The following ABCA4 variants were observed in gnomAD, a reference collection of about 807,000 sequenced individuals.
The protein encoded by ABCA4 is retinal-specific phospholipid-transporting ATPase ABCA4.
In ABCA4, 196 loss-of-function variants were observed where a neutral mutation model predicts 263.7. That is an observed-to-expected ratio of 0.74 (90% CI 0.66 to 0.84). ABCA4 has a LOEUF of 0.84. Ranked by LOEUF, ABCA4 falls within the 40% of genes least tolerant of loss-of-function variation. ABCA4 has a pLI of 0.00. For synonymous variants in ABCA4, 1,133 were observed against 1,094.2 expected (o/e 1.04, Z -0.70); for missense variants, 2,792 against 2,855.1 (o/e 0.98, Z 0.50).
chr1:94,098,193 C>T (rs2101134395), intron 6 of ABCA4, among the ~76,000 whole-genome samples: 1 of 152,292 alleles, frequency 6.6e-6, no homozygotes, highest in South Asian at 2.1e-4. Context: ...GGATGCAGTT[C>T]TAGAACAAAG....
chr1:94,109,813 T>G (rs1662553643), intron 3 of ABCA4, among the ~76,000 whole-genome samples: 1 of 152,194 alleles, frequency 6.6e-6, no homozygotes. Flanking sequence ...TAAGATTGCT[T>G]GAATGGGTTT....
intron 8 of ABCA4, among the ~76,000 whole-genome samples, chr1:94,079,821 T>A (rs1270460834): frequency 1.3e-5 from 2 of 152,196 alleles, no homozygotes; most frequent in Admixed American, 6.5e-5. Context: ...AATCTCAGCT[T>A]GAGCCTCAGT....
chr1:94,015,922 G>A, intron 36 of ABCA4, 68 bp from the exon 37 acceptor site: 2 of 1,378,462 alleles, frequency 1.5e-6, no homozygotes, highest in South Asian at 2.5e-5. Flanking sequence ...GCAAAATGAG[G>A]GGTGGGGCCA....
intron 47 of ABCA4, 70 bp from the exon 48 acceptor site, chr1:93,998,180 A>G: frequency 6.2e-7 from 1 of 1,609,044 alleles, no homozygotes; most frequent in African/African-American, 1.3e-5. Context: ...CAAAATAAGG[A>G]GTAGACTCAT....
chr1:94,099,109 A>G (rs1205722977), intron 5 of ABCA4, 118 bp from the exon 6 acceptor site: 1 of 1,170,642 alleles, frequency 8.5e-7, no homozygotes, highest in Non-Finnish European at 1.2e-6. Context: ...AAGATCGCAG[A>G]TGGGATTAAA....
intron 30 of ABCA4, 55 bp downstream of exon 30, chr1:94,029,390 C>T (rs1660133694): frequency 1.4e-6 from 2 of 1,425,998 alleles, no homozygotes; most frequent in African/African-American, 1.4e-5. Context: ...CAGGGACTCC[C>T]CTAGTCCCTC....
chr1:94,066,137 G>A (rs1225289386), intron 11 of ABCA4, among the ~76,000 whole-genome samples: 2 of 152,214 alleles, frequency 1.3e-5, no homozygotes, highest in African/African-American at 4.8e-5. Context: ...GTGGGGGTAG[G>A]TGGCATCTAA....
At chr1:94,106,531 T>C (rs1662439216) in intron 4 of ABCA4, among the ~76,000 whole-genome samples, 1 of 152,184 alleles carries the variant, frequency 6.6e-6, no homozygotes, top group Non-Finnish European at 1.5e-5. Context: ...GAAGGGGGAT[T>C]TCTTACTATT....
intron 6 of ABCA4, among the ~76,000 whole-genome samples, chr1:94,091,287 G>A (rs1372140062): frequency 6.6e-6 from 1 of 152,248 alleles, no homozygotes; most frequent in East Asian, 1.9e-4. Context: ...TAGTGGGAAT[G>A]GTAAATGATG....
intron 1 of ABCA4, among the ~76,000 whole-genome samples, chr1:94,120,520 G>GA (rs1165048033): frequency 6.6e-6 from 1 of 152,132 alleles, no homozygotes; most frequent in Non-Finnish European, 1.5e-5. Context: ...GCTAACATGT[G>GA]AAAAAACAAT....
chr1:94,013,383 C>T (rs1028161435), intron 38 of ABCA4, among the ~76,000 whole-genome samples: 4 of 152,290 alleles, frequency 2.6e-5, no homozygotes, highest in South Asian at 2.1e-4. Flanking sequence ...GTGGGGCCTC[C>T]GCACAGATTT....
chr1:93,993,180 T>C lies in ABCA4; in HGVS notation c.*57A>G. The C allele has an allele frequency of 6.2e-7, 1 of 1,612,974 alleles. No individual in the cohort carries two copies. The highest frequency in any genetic ancestry group is 8.5e-7 in the Non-Finnish European group (1 of 1,179,286). ...GGATGACCATATGGGCACAGGCTCC[T>C]GCGCCTCCAGCTGCCCAGAGTTCCT... On this transcript the variant is annotated 3_prime_UTR_variant, in exon 50 of 50. Transcript: ENST00000370225.
chr1:94,108,804 G>A (rs1018492797), intron 3 of ABCA4, 88 bp from the exon 4 acceptor site: 48 of 1,454,312 alleles, frequency 3.3e-5, no homozygotes, highest in Non-Finnish European at 4.1e-5. Flanking sequence ...TTTTTATCTC[G>A]CTCTGTCACC....
intron 6 of ABCA4, among the ~76,000 whole-genome samples, chr1:94,095,903 G>A (rs1424605116): frequency 1.3e-5 from 2 of 151,876 alleles, no homozygotes; most frequent in Admixed American, 6.6e-5. Flanking sequence ...AGAGCAGGTA[G>A]GGGTGGTGCT....
intron 6 of ABCA4, among the ~76,000 whole-genome samples, chr1:94,093,417 T>C (rs17111039): frequency 0.021 from 3,252 of 152,296 alleles, 134 homozygotes; most frequent in African/African-American, 0.074. Flanking sequence ...GCTACTGTTC[T>C]GTAGAGATAA....
In ABCA4 at chr1:94,001,712, C is replaced by G. The variant is rs750523954; in HGVS notation, c.6282+146G>C. 3.3e-6 allele frequency: 4 copies of G among 1,200,796 alleles called. No homozygotes were observed. In the African/African-American group the frequency reaches 6.1e-5, roughly 18 times the overall value. 74.4% of individuals were successfully genotyped at this position (1,200,796 alleles called of 1,614,324 possible). A position where few individuals can be genotyped will look rare whatever the true frequency, so the allele number is the denominator to read the frequency against. ...TGTGTGAACCAAACACTGGGCTGAT[C>G]GCTCAAAATGAGCAACACAGGAAAC... On this transcript the variant is annotated intron_variant, in intron 45 of 49. Coordinates refer to ENST00000370225, the MANE Select transcript of ABCA4 (RefSeq NM_000350.3).
At chr1:94,062,973 G>A in intron 12 of ABCA4, 139 bp downstream of exon 12, 1 of 1,079,150 alleles carries the variant, frequency 9.3e-7, no homozygotes, top group Middle Eastern at 2.9e-4. Flanking sequence ...TCTTTGTTGA[G>A]CTTTATAAAA....
intron 6 of ABCA4, among the ~76,000 whole-genome samples, chr1:94,089,845 A>G (rs1290792898): frequency 6.6e-6 from 1 of 152,242 alleles, no homozygotes; most frequent in Non-Finnish European, 1.5e-5. Context: ...CTAATATTAA[A>G]TATTGAAATA....
chr1:94,092,275 G>A (rs1469951082), intron 6 of ABCA4, among the ~76,000 whole-genome samples: 1 of 152,220 alleles, frequency 6.6e-6, no homozygotes, highest in Non-Finnish European at 1.5e-5. Context: ...GCAGACCAGA[G>A]GTGAAAAGCA....
Sources: gnomAD v4.1 joint callset for allele counts (sites outside exome capture counted in the v4.1 genomes callset) on GRCh38, gnomAD v4.1.1 for gene constraint, MANE v1.5 for transcripts, NCBI Gene and HGNC (gene_info 2026-07-23, HGNC 2026-07-21) for gene names.